FLNB: variants seen among roughly 807,000 people sequenced by gnomAD.
FLNB encodes the protein filamin-B.
In FLNB, 111 loss-of-function variants were observed where a neutral mutation model predicts 250.6. That is an observed-to-expected ratio of 0.44 (90% CI 0.38 to 0.52). The LOEUF (loss-of-function observed/expected upper bound fraction) is 0.52, where lower values mean the gene tolerates loss of function less well. Among genes scored for constraint, FLNB ranks in the 20% least tolerant of loss-of-function variants. FLNB has a pLI of 0.00. For missense variants in FLNB, 2,869 were observed against 3,447.8 expected, an observed-to-expected ratio of 0.83 and a Z score of 4.20; for synonymous variants, 1,302 against 1,372.1, an observed-to-expected ratio of 0.95 and a Z score of 1.13.
chr3:58,092,666 A>C (rs1174635466), intron 4 of FLNB, among the ~76,000 whole-genome samples: 1 of 151,914 alleles, frequency 6.6e-6, no homozygotes, highest in East Asian at 1.9e-4. Context: ...CAAAAACAAA[A>C]CCTCAAAAAA....
chr3:58,009,214 C>G (rs2097094724), intron 1 of FLNB, among the ~76,000 whole-genome samples: 1 of 152,168 alleles, frequency 6.6e-6, no homozygotes, highest in Non-Finnish European at 1.5e-5. Context: ...TCCCCGGGGG[C>G]GGGCCCTAGG....
At chr3:58,149,157 C>A in intron 36 of FLNB, 1 of 405,470 alleles carries the variant, frequency 2.5e-6, no homozygotes, top group African/African-American at 2.0e-5. Flanking sequence ...CCCTTGTTCT[C>A]AGCTTCCCAG....
At chr3:58,111,750 G>T (rs1342852601) in intron 16 of FLNB, 41 bp from the exon 17 acceptor site, 1 of 1,484,350 alleles carries the variant, frequency 6.7e-7, no homozygotes, top group East Asian at 2.3e-5. Flanking sequence ...TCTGGCTGTT[G>T]CTTCAGGGGC....
At chr3:58,068,354 T>G (rs1253654057) in intron 1 of FLNB, among the ~76,000 whole-genome samples, 1 of 152,206 alleles carries the variant, frequency 6.6e-6, no homozygotes, top group Non-Finnish European at 1.5e-5. Context: ...CTTGGTCCCC[T>G]TCATCCTACC....
At chr3:58,166,429 A>G (rs1456148288) in intron 43 of FLNB, among the ~76,000 whole-genome samples, 1 of 150,954 alleles carries the variant, frequency 6.6e-6, no homozygotes, top group Admixed American at 6.6e-5. Context: ...ATCTCTACCA[A>G]AAAAAAAAAT....
At chr3:58,168,679 G>C (rs2107340320) in intron 44 of FLNB, 21 bp downstream of exon 44, 1 of 1,551,360 alleles carries the variant, frequency 6.4e-7, no homozygotes, top group Non-Finnish European at 8.9e-7. Context: ...ACCACCTTCG[G>C]AGTTACTCTC....
intron 1 of FLNB, among the ~76,000 whole-genome samples, chr3:58,061,750 CAA>C (rs574215546): frequency 0.039 from 3,263 of 82,810 alleles, 95 homozygotes; most frequent in African/African-American, 0.13. Flanking sequence ...CCCTGGCCTC[CAA>C]AAAAAAAAAA....
intron 20 of FLNB, among the ~76,000 whole-genome samples, chr3:58,121,854 G>A (rs2097289230): frequency 6.6e-6 from 1 of 152,212 alleles, no homozygotes; most frequent in East Asian, 1.9e-4. Context: ...CCCTCCAGAA[G>A]CTAGAATCAT....
intron 1 of FLNB, among the ~76,000 whole-genome samples, chr3:58,051,939 T>A (rs1033070234): frequency 6.6e-6 from 1 of 151,972 alleles, no homozygotes; most frequent in Admixed American, 6.6e-5. Context: ...CAGGCTGGAG[T>A]GTAATGGCAC....
At chr3:58,099,822 G>A (rs1047798360) in intron 8 of FLNB, among the ~76,000 whole-genome samples, 1 of 152,140 alleles carries the variant, frequency 6.6e-6, no homozygotes, top group African/African-American at 2.4e-5. Flanking sequence ...GTGATTTTAG[G>A]AAACTCTGTG....
In FLNB at chr3:58,142,875, C is replaced by A; in HGVS notation, c.5284+123C>A. ...GCTCCTTAACCCAGGGTCACGAGTT[C>A]TTGGTCTCCGGTGTTGGGCCGTGGG... is the stretch of plus-strand genomic sequence containing the variant. On this transcript the variant is annotated intron_variant, in intron 31 of 45. Coordinates refer to ENST00000295956, the MANE Select transcript of FLNB (RefSeq NM_001457.4). The surrounding 1 kb of genome is among the most constrained non-coding windows in gnomAD (Gnocchi z 4.3). 1.2e-6 allele frequency: 1 copy of A among 821,056 alleles called. No homozygotes were observed. The allele number at this position is 821,056 out of a possible 1,614,324, so 50.9% of individuals were successfully genotyped here. A position where few individuals can be genotyped will look rare whatever the true frequency, so the allele number is the denominator to read the frequency against.
intron 1 of FLNB, among the ~76,000 whole-genome samples, chr3:58,044,273 T>C (rs2097150306): frequency 6.6e-6 from 1 of 152,116 alleles, no homozygotes; most frequent in Non-Finnish European, 1.5e-5. Context: ...ATTGTCTGGT[T>C]GGGAAGCATT....
At chr3:58,122,168 C>CAAAA (rs546747097) in intron 20 of FLNB, among the ~76,000 whole-genome samples, 2 of 65,874 alleles carry the variant, frequency 3.0e-5, no homozygotes, top group Non-Finnish European at 6.2e-5. Context: ...GACTCCGTCT[C>CAAAA]AAAAAAAAAA....
chr3:58,152,511 A>G (rs757343911), intron 38 of FLNB, among the ~76,000 whole-genome samples: 7 of 152,126 alleles, frequency 4.6e-5, no homozygotes, highest in African/African-American at 1.2e-4. Flanking sequence ...GGACTCTTAC[A>G]AGGCCACTGA....
intron 22 of FLNB, 107 bp downstream of exon 22, chr3:58,124,612 C>A: frequency 1.7e-6 from 2 of 1,190,694 alleles, no homozygotes; most frequent in Non-Finnish European, 2.4e-6. Flanking sequence ...CCTGTCTCAG[C>A]AGGGCCACGT....
At chr3:58,070,572 C>A (rs2097192741) in intron 1 of FLNB, among the ~76,000 whole-genome samples, 1 of 151,994 alleles carries the variant, frequency 6.6e-6, no homozygotes, top group African/African-American at 2.4e-5. Context: ...TGCATGGCAT[C>A]CTGTTCCCCA....
At chr3:58,045,124 C>T (rs1231345528) in intron 1 of FLNB, among the ~76,000 whole-genome samples, 1 of 152,114 alleles carries the variant, frequency 6.6e-6, no homozygotes, top group Non-Finnish European at 1.5e-5. Flanking sequence ...TGTAAAAGAC[C>T]CTGATTGCCA....
At chr3:58,092,333 CTGTT>C (rs1162675044) in intron 4 of FLNB, among the ~76,000 whole-genome samples, 3 of 152,146 alleles carry the variant, frequency 2.0e-5, no homozygotes, top group African/African-American at 4.8e-5. Context: ...CTTTGGAACA[CTGTT>C]TGGTAGTTTC....
rs529273616 is a variant in FLNB, at chr3:58,078,746, C to A, written c.571C>A (p.Pro191Thr). The change falls in exon 3 of 46, where the codon CCG (proline) becomes ACG (threonine). Residue 191 changes from proline (P) to threonine (T), a missense_variant. Physicochemically the swap from Pro to Thr is conservative, Grantham distance 38. Transcript: ENST00000295956. The stretch of plus-strand genomic sequence containing the variant: ...GTGCCCAGACTGGGAATCCTGGGAC[C>A]CGCAGAAGCCTGTGGATAATGCACG... ...GLCPDWESWD[P>T]QKPVDNAREA... is the part of the protein sequence containing the mutation. 1.2e-6 allele frequency: 2 copies of A among 1,613,902 alleles called. No individual in the cohort carries two copies. Among genetic ancestry groups the A allele is most frequent in the East Asian group, 4.5e-5 (2 of 44,884 alleles).
Sources: gnomAD v4.1 joint callset for allele counts (sites outside exome capture counted in the v4.1 genomes callset) on GRCh38, gnomAD v4.1.1 for gene constraint, Gnocchi (gnomAD v3.1) non-coding constraint, MANE v1.5 for transcripts, NCBI Gene and HGNC (gene_info 2026-07-23, HGNC 2026-07-21) for gene names.